The following NAA25 variants were observed in gnomAD, a reference collection of about 807,000 sequenced individuals.
NAA25 encodes the protein N-alpha-acetyltransferase 25, NatB auxiliary subunit.
A neutral mutation model predicts 132.5 loss-of-function variants in NAA25; 30 were observed. The observed-to-expected ratio is 0.23, with a 90% CI of 0.17 to 0.31. The LOEUF (loss-of-function observed/expected upper bound fraction) is 0.31. Ranked by LOEUF, NAA25 falls within the 10% of genes least tolerant of loss-of-function variation. The pLI is 1.00. For synonymous variants in NAA25, 359 were observed against 401.9 expected (o/e 0.89, Z 1.28); for missense variants, 771 against 1,150.4 (o/e 0.67, Z 4.77).
At chr12:112,062,721 C>T (rs1004842370) in intron 11 of NAA25, among the ~76,000 whole-genome samples, 9 of 149,690 alleles carry the variant, frequency 6.0e-5, no homozygotes, top group African/African-American at 1.2e-4. Context: ...AGTGAAACTC[C>T]GTATTAAAAA....
At position 112,086,071 on chromosome 12, in the gene NAA25, TATAC is replaced by T. The variant is rs1320914903; in HGVS notation, c.402+1608_402+1611del. Among the ~76,000 whole-genome samples the T allele has an allele frequency of 4.5e-4, 24 of 53,636 alleles. No individual in the cohort carries two copies. The East Asian group carries it at 0.043, about 96-fold the overall frequency. The allele number at this position is 53,636 out of a possible 152,430, so 35.2% of individuals were successfully genotyped here. A position where few individuals can be genotyped will look rare whatever the true frequency, so the allele number is the denominator to read the frequency against. ...AAAAAAATATATATATATATATATA[TATAC>T]ACACACACACACACACACACACACA... is the stretch of plus-strand genomic sequence containing the variant. On this transcript the variant is annotated intron_variant, in intron 4 of 23. Transcript: ENST00000261745.
At position 112,033,241 on chromosome 12, in the gene NAA25, G is replaced by A. The variant is rs749161455; in HGVS notation, c.2788C>T (p.Leu930Phe). 3.7e-6 allele frequency: 6 copies of A among 1,607,376 alleles called. No individual in the cohort carries two copies. Among genetic ancestry groups the A allele is most frequent in the East Asian group, 4.5e-5 (2 of 44,748 alleles). ...TGCCTACAATCTCTTACCGGTGAGA[G>A]AGAAGTGTCTTCTAAAATAAGTTCT... Reference protein sequence around the residue: ...LEELILEDTSLSPEERKFSKT... With the variant: ...LEELILEDTSFSPEERKFSKT... The change falls in exon 23 of 24, where the codon CTC becomes TTC. Residue 930 changes from leucine (L) to phenylalanine (F), a missense_variant. This residue lies in a region of NAA25 where 324 missense variants were observed against 400.0 expected (regional missense o/e 0.81). Transcript: ENST00000261745.
intron 18 of NAA25, 48 bp from the exon 19 acceptor site, chr12:112,043,259 C>G (rs1313704753): frequency 1.3e-6 from 2 of 1,518,150 alleles, no homozygotes; most frequent in African/African-American, 2.8e-5. Flanking sequence ...CATCTAAATG[C>G]ATACAAAATA....
At chr12:112,075,878 A>T in intron 7 of NAA25, 89 bp from the exon 8 acceptor site, 1 of 1,081,512 alleles carries the variant, frequency 9.2e-7, no homozygotes. Flanking sequence ...GGAAAATGTC[A>T]CATTTTCTTT....
intron 13 of NAA25, 68 bp downstream of exon 13, chr12:112,060,202 G>A: frequency 1.0e-6 from 1 of 987,016 alleles, no homozygotes; most frequent in Non-Finnish European, 1.6e-6. Flanking sequence ...TTAGTCTAAT[G>A]AAAGAATGCA....
intron 20 of NAA25, 112 bp downstream of exon 20, chr12:112,041,927 A>G: frequency 3.2e-6 from 2 of 623,134 alleles, no homozygotes; most frequent in Non-Finnish European, 5.4e-6. Context: ...CCAAAGTGTT[A>G]AAACTACTTA....
intron 15 of NAA25, 116 bp downstream of exon 15, chr12:112,053,442 T>C (rs1431317078): frequency 8.1e-6 from 6 of 744,978 alleles, no homozygotes; most frequent in Non-Finnish European, 1.4e-5. Flanking sequence ...CTAAGGGCAC[T>C]TGCTAGTTCA....
intron 15 of NAA25, among the ~76,000 whole-genome samples, chr12:112,051,233 G>T (rs1566005421): frequency 6.6e-6 from 1 of 151,928 alleles, no homozygotes; most frequent in Non-Finnish European, 1.5e-5. Flanking sequence ...TTTTGGTGGG[G>T]GGACAGAGTC....
intron 11 of NAA25, among the ~76,000 whole-genome samples, chr12:112,061,693 C>T (rs1322394171): frequency 6.6e-6 from 1 of 151,918 alleles, no homozygotes; most frequent in African/African-American, 2.4e-5. Context: ...CCATAACTTA[C>T]AGCATATTAA....
intron 1 of NAA25, among the ~76,000 whole-genome samples, chr12:112,106,366 T>C (rs1277288888): frequency 6.6e-6 from 1 of 151,778 alleles, no homozygotes. Context: ...CAAATTATTC[T>C]TGAAAGTATT....
At chr12:112,053,734 T>A in intron 14 of NAA25, 77 bp from the exon 15 acceptor site, 1 of 1,005,042 alleles carries the variant, frequency 9.9e-7, no homozygotes, top group East Asian at 2.7e-5. Flanking sequence ...ATATTACGCT[T>A]CAAATTACTT....
chr12:112,100,159 T>C (rs537672163), intron 1 of NAA25, among the ~76,000 whole-genome samples: 69 of 152,342 alleles, frequency 4.5e-4, no homozygotes, highest in Non-Finnish European at 7.3e-5. Flanking sequence ...CGACCCATTC[T>C]ACATTTGCCT....
At position 112,108,752 on chromosome 12, in the gene NAA25, G is replaced by C; in HGVS notation, c.22C>G (p.Gln8Glu). 6.5e-7 allele frequency: 1 copy of C among 1,529,206 alleles called. No individual in the cohort carries two copies. The highest frequency in any genetic ancestry group is 8.8e-7 in the Non-Finnish European group (1 of 1,135,426). 94.7% of individuals were successfully genotyped at this position (1,529,206 alleles called of 1,614,324 possible). A position where few individuals can be genotyped will look rare whatever the true frequency, so the allele number is the denominator to read the frequency against. The change falls in exon 1 of 24, where the codon CAG becomes GAG. Residue 8 changes from glutamine (Q) to glutamate (E), a missense_variant. By Grantham distance (29) the Gln-to-Glu change is conservative. Coordinates refer to ENST00000261745, the MANE Select transcript of NAA25 (RefSeq NM_024953.4). MATRGHV[Q>E]DPNDRRLRPI... ...CGGAGGCGCCTGTCGTTAGGGTCCTGCACATGGCCCCGCGTCGCCATGATG... is the reference window on the plus strand; with the variant it reads ...CGGAGGCGCCTGTCGTTAGGGTCCTCCACATGGCCCCGCGTCGCCATGATG...
At chr12:112,081,226 C>A in intron 4 of NAA25, 92 bp from the exon 5 acceptor site, 1 of 1,022,888 alleles carries the variant, frequency 9.8e-7, no homozygotes, top group Non-Finnish European at 1.5e-6. Context: ...CTTGGGAGAA[C>A]AGCAATATAT....
intron 3 of NAA25, among the ~76,000 whole-genome samples, chr12:112,089,877 C>T (rs751203481): frequency 1.8e-4 from 28 of 151,552 alleles, no homozygotes; most frequent in Non-Finnish European, 3.7e-4. Context: ...CCTGTAATCC[C>T]AGCTACCTGG....
rs184988234 is a variant in NAA25, at chr12:112,094,198, G to A, written c.59-1062C>T. Among the ~76,000 whole-genome samples the A allele has an allele frequency of 3.0e-4, 41 of 138,722 alleles. 1 individual carries two copies. The East Asian group carries it at 7.9e-3, about 27-fold the overall frequency. 91.0% of individuals were successfully genotyped at this position (138,722 alleles called of 152,430 possible). A position where few individuals can be genotyped will look rare whatever the true frequency, so the allele number is the denominator to read the frequency against. On this transcript the variant is annotated intron_variant, in intron 1 of 23. Transcript: ENST00000261745. ...GGAGCTTACAGTGAGCCAAGATGGCGCCACTGCACTCCAGCCTAGGCGACA... is the reference window on the plus strand; with the variant it reads ...GGAGCTTACAGTGAGCCAAGATGGCACCACTGCACTCCAGCCTAGGCGACA...
chr12:112,103,224 C>T (rs747912628), intron 1 of NAA25, among the ~76,000 whole-genome samples: 1 of 152,120 alleles, frequency 6.6e-6, no homozygotes, highest in Admixed American at 6.6e-5. Context: ...TGGCCTCAAG[C>T]AACCCACCCA....
intron 1 of NAA25, among the ~76,000 whole-genome samples, chr12:112,105,790 C>T (rs567308304): frequency 6.6e-6 from 1 of 152,306 alleles, no homozygotes; most frequent in East Asian, 1.9e-4. Flanking sequence ...TGTTCAAATC[C>T]CAGCTCTACA....
intron 5 of NAA25, among the ~76,000 whole-genome samples, chr12:112,080,266 G>A (rs1208056527): frequency 2.4e-5 from 3 of 126,110 alleles, no homozygotes; most frequent in Admixed American, 9.0e-5. Context: ...GGGTTAGAGC[G>A]AGACTCTGTC....
Sources: gnomAD v4.1 joint callset for allele counts (sites outside exome capture counted in the v4.1 genomes callset) on GRCh38, gnomAD v4.1.1 for gene constraint, gnomAD v4.1.1 regional missense constraint, MANE v1.5 for transcripts, NCBI Gene and HGNC (gene_info 2026-07-23, HGNC 2026-07-21) for gene names.